Variants in FAR2 observed in about 807,000 individuals in gnomAD.
FAR2 encodes epididymis secretory protein Li 81.
Under a neutral mutation model 56.0 loss-of-function variants are expected in FAR2, and 19 were observed. That is an observed-to-expected ratio of 0.34 (90% confidence interval 0.24 to 0.50). The LOEUF (loss-of-function observed/expected upper bound fraction) is 0.50. Among genes scored for constraint, FAR2 ranks in the 20% least tolerant of loss-of-function variants. The pLI, the probability that FAR2 is intolerant of heterozygous loss-of-function variation, is 0.98. For synonymous variants in FAR2, 219 were observed against 218.8 expected, an observed-to-expected ratio of 1.00 and a Z score of -0.01; for missense variants, 508 against 642.2, an observed-to-expected ratio of 0.79 and a Z score of 2.26.
At position 29,270,522 on chromosome 12, in the gene FAR2, G is replaced by C. The variant is rs1242061847; in HGVS notation, c.73G>C (p.Val25Leu). Reference sequence around the variant, plus strand: ...GGGGGCCACAGGCTTTCTGGGCAAAGTGCTGATGGAGAAGCTGTTTCGCAC... The same window carrying C: ...GGGGGCCACAGGCTTTCTGGGCAAACTGCTGATGGAGAAGCTGTTTCGCAC... ...ITGATGFLGK[V>L]LMEKLFRTSP... Residue 25 changes from valine to leucine, a missense_variant, in exon 2 of 12, where the codon GTG (valine) becomes CTG (leucine). Coordinates refer to ENST00000536681, the MANE Select transcript of FAR2 (RefSeq NM_001271783.2). 1.2e-6 allele frequency: 2 copies of C among 1,613,860 alleles called. No homozygotes were observed. The highest frequency in any genetic ancestry group is 3.3e-5 in the Admixed American group (2 of 60,020).
intron 1 of FAR2, among the ~76,000 whole-genome samples, chr12:29,249,320 G>A (rs7299635): frequency 0.13 from 19,150 of 152,138 alleles, 1,410 homozygotes; most frequent in East Asian, 0.27. Flanking sequence ...CTGACTTCCC[G>A]CAACAGTTTT....
intron 10 of FAR2, among the ~76,000 whole-genome samples, chr12:29,322,917 C>T (rs962417760): frequency 6.6e-5 from 10 of 152,200 alleles, no homozygotes; most frequent in Non-Finnish European, 1.2e-4. Flanking sequence ...CTTCGGCTCA[C>T]GCACGGTGCA....
intron 1 of FAR2, among the ~76,000 whole-genome samples, chr12:29,187,040 G>A (rs1458041813): frequency 5.3e-5 from 8 of 151,962 alleles, no homozygotes; most frequent in Admixed American, 3.9e-4. Context: ...CGCCCACCTC[G>A]GCCTCCCAAA....
At chr12:29,215,720 T>C (rs192978117) in intron 1 of FAR2, among the ~76,000 whole-genome samples, 1 of 152,310 alleles carries the variant, frequency 6.6e-6, no homozygotes, top group African/African-American at 2.4e-5. Flanking sequence ...GGTTCCACTG[T>C]CACCAAGGCC....
chr12:29,293,273 G>A (rs1275152870), intron 2 of FAR2, 27 bp from the exon 3 acceptor site: 1 of 1,477,892 alleles, frequency 6.8e-7, no homozygotes, highest in East Asian at 2.5e-5. Context: ...GCTATTTTTT[G>A]TATATTGATC....
At chr12:29,263,580 C>T (rs1948461761) in intron 1 of FAR2, among the ~76,000 whole-genome samples, 1 of 151,668 alleles carries the variant, frequency 6.6e-6, no homozygotes, top group Non-Finnish European at 1.5e-5. Context: ...TGAAAATTTA[C>T]ATGAAACAAA....
At chr12:29,248,273 C>T (rs890722870) in intron 1 of FAR2, among the ~76,000 whole-genome samples, 5 of 152,076 alleles carry the variant, frequency 3.3e-5, no homozygotes, top group Non-Finnish European at 5.9e-5. Context: ...CCCCAATATT[C>T]ACATAAGTTC....
chr12:29,196,290 T>C (rs1305444394), intron 1 of FAR2, among the ~76,000 whole-genome samples: 1 of 152,174 alleles, frequency 6.6e-6, no homozygotes, highest in Non-Finnish European at 1.5e-5. Flanking sequence ...GTTGTACTAA[T>C]TTACATTTCC....
chr12:29,194,912 G>A (rs1458133769), intron 1 of FAR2, among the ~76,000 whole-genome samples: 1 of 152,094 alleles, frequency 6.6e-6, no homozygotes, highest in Non-Finnish European at 1.5e-5. Flanking sequence ...GAAAAAGATT[G>A]TTTAGTTAAC....
chr12:29,312,036 T>C, intron 8 of FAR2, 86 bp downstream of exon 8: 1 of 931,144 alleles, frequency 1.1e-6, no homozygotes, highest in South Asian at 1.6e-5. Context: ...AGCTTAGAGC[T>C]TATATGGGGA....
intron 2 of FAR2, 33 bp from the exon 3 acceptor site, chr12:29,293,267 T>A (rs1289359350): frequency 6.8e-7 from 1 of 1,461,352 alleles, no homozygotes; most frequent in East Asian, 2.5e-5. Flanking sequence ...GATGGTGCTA[T>A]TTTTTGTATA....
chr12:29,264,679 GAGA>G (rs535175606), intron 1 of FAR2, among the ~76,000 whole-genome samples: 828 of 68,482 alleles, frequency 0.012, 11 homozygotes, highest in Middle Eastern at 0.051. Flanking sequence ...GAGAGAGGAG[GAGA>G]GGGAGAGGGA....
At chr12:29,308,689 GACACACACACACACACAC>G (rs57435586) in intron 5 of FAR2, among the ~76,000 whole-genome samples, 1 of 137,392 alleles carries the variant, frequency 7.3e-6, no homozygotes, top group African/African-American at 3.0e-5. Context: ...CAGACACACA[GACACACACACACACACAC>G]ACACACACAC....
intron 1 of FAR2, among the ~76,000 whole-genome samples, chr12:29,255,291 T>A (rs993745676): frequency 6.6e-6 from 1 of 152,214 alleles, no homozygotes; most frequent in Non-Finnish European, 1.5e-5. Context: ...CCTAGAGAGC[T>A]CTCTGGTGTC....
chr12:29,160,613 C>G (rs1441309996), intron 1 of FAR2, among the ~76,000 whole-genome samples: 1 of 152,126 alleles, frequency 6.6e-6, no homozygotes, highest in Non-Finnish European at 1.5e-5. Context: ...GCGGCTTAAC[C>G]AAAAGAAGTG....
chr12:29,223,487 T>C (rs1947722897), intron 1 of FAR2, among the ~76,000 whole-genome samples: 1 of 152,202 alleles, frequency 6.6e-6, no homozygotes, highest in African/African-American at 2.4e-5. Context: ...AAATGGCTGA[T>C]CGAATGAATT....
intron 1 of FAR2, among the ~76,000 whole-genome samples, chr12:29,201,468 A>G (rs1279556335): frequency 6.6e-6 from 1 of 152,186 alleles, no homozygotes; most frequent in Non-Finnish European, 1.5e-5. Flanking sequence ...TCAGACAGTT[A>G]TACCAAACCA....
At chr12:29,306,741 A>T (rs922044420) in intron 4 of FAR2, among the ~76,000 whole-genome samples, 1 of 152,210 alleles carries the variant, frequency 6.6e-6, no homozygotes, top group Non-Finnish European at 1.5e-5. Flanking sequence ...ACATATTTTT[A>T]AGAAAGATTA....
chr12:29,303,483 G>A (rs1328973268), intron 4 of FAR2, among the ~76,000 whole-genome samples: 2 of 152,096 alleles, frequency 1.3e-5, no homozygotes, highest in African/African-American at 4.8e-5. Flanking sequence ...CCATGCTTCT[G>A]AGGCTACACA....
Sources: allele counts gnomAD v4.1 joint callset (sites outside exome capture counted in the v4.1 genomes callset), GRCh38; gene constraint gnomAD v4.1.1; transcripts MANE v1.5; gene names NCBI Gene and HGNC (gene_info 2026-07-23, HGNC 2026-07-21).